MAIP1: variants seen among roughly 807,000 people sequenced by gnomAD.
The protein encoded by MAIP1 is matrix AAA peptidase interacting protein 1, also known as m-AAA protease-interacting protein 1, mitochondrial.
In MAIP1, 28 loss-of-function variants were observed where a neutral mutation model predicts 31.2. The observed-to-expected ratio is 0.90, with a 90% CI of 0.67 to 1.23. MAIP1 has a LOEUF of 1.23. MAIP1 is among the 50% of genes most tolerant of loss of function. The pLI, the probability that MAIP1 is intolerant of heterozygous loss-of-function variation, is 0.00. For missense variants in MAIP1, 339 were observed against 356.0 expected (o/e 0.95, Z 0.38); for synonymous variants, 142 against 142.3 (o/e 1.00, Z 0.02).
At chr2:199,956,961 C>A (rs2077609628) in intron 1 of MAIP1, among the ~76,000 whole-genome samples, 1 of 151,110 alleles carries the variant, frequency 6.6e-6, no homozygotes. Flanking sequence ...TTCTGAATGG[C>A]TGATTATACC....
chr2:199,956,535 T>C (rs2077606076), intron 1 of MAIP1, among the ~76,000 whole-genome samples: 1 of 152,320 alleles, frequency 6.6e-6, no homozygotes, highest in South Asian at 2.1e-4. Flanking sequence ...CACTCCAGCC[T>C]GGGATACAGA....
At chr2:199,963,670 A>G in intron 4 of MAIP1, 63 bp from the exon 5 acceptor site, 2 of 957,152 alleles carry the variant, frequency 2.1e-6, no homozygotes, top group East Asian at 2.5e-5. Flanking sequence ...TGCAAATTAC[A>G]TAGTTATCTA....
Position 199,955,818 on chromosome 2 carries a change from T to G in MAIP1, c.20T>G (p.Leu7Trp), listed in dbSNP as rs777192025. 3.3e-6 allele frequency: 5 copies of G among 1,516,370 alleles called. No homozygotes were observed. Among genetic ancestry groups the G allele is most frequent in the South Asian group, 1.3e-5 (1 of 75,074 alleles). The allele number at this position is 1,516,370 out of a possible 1,614,324, so 93.9% of individuals were successfully genotyped here. A position where few individuals can be genotyped will look rare whatever the true frequency, so the allele number is the denominator to read the frequency against. MALAAR[L>W]LPQFLHSRSL... ...ATAAAAATGGCGCTGGCCGCTCGTT[T>G]GCTACCCCAGTTCCTGCACTCTCGG... Residue 7 changes from leucine (L) to tryptophan (W), a missense_variant, in exon 1 of 5, where the codon TTG becomes TGG. Leu to Trp is a moderately conservative substitution (Grantham distance 61, BLOSUM62 -2). Coordinates refer to ENST00000392290, the MANE Select transcript of MAIP1 (RefSeq NM_001394955.1).
At chr2:199,957,464 C>T (rs1457147175) in intron 1 of MAIP1, among the ~76,000 whole-genome samples, 4 of 152,174 alleles carry the variant, frequency 2.6e-5, no homozygotes, top group African/African-American at 9.7e-5. Context: ...CCTCCATATG[C>T]CTTAAAACCA....
intron 1 of MAIP1, among the ~76,000 whole-genome samples, chr2:199,958,382 C>A (rs553905529): frequency 2.0e-5 from 3 of 152,270 alleles, no homozygotes; most frequent in African/African-American, 7.2e-5. Flanking sequence ...GGGGTTAGAG[C>A]TTCAGCATAA....
chr2:199,960,006 A>C (rs2077627876), intron 3 of MAIP1, 126 bp downstream of exon 3: 4 of 870,508 alleles, frequency 4.6e-6, no homozygotes, highest in Non-Finnish European at 6.9e-6. Flanking sequence ...AGAAAATGTT[A>C]TATCCATTCT....
chr2:199,959,275 C>A lies in MAIP1; in HGVS notation c.458C>A (p.Ala153Asp). Residue 153 changes from alanine (A) to aspartate (D), a missense_variant, in exon 2 of 5, where the codon GCT (alanine) becomes GAT (aspartate). Coordinates refer to ENST00000392290, the MANE Select transcript of MAIP1 (RefSeq NM_001394955.1). ...EFSEGAKQAF[A>D]HVSKLLSQCK... is the part of the protein sequence containing the mutation. ...CTTAATATTTTTTTCAAGGCTTTTG[C>A]TCATGTATCCAAGTTGCTGTCACAG... 6.4e-7 allele frequency: 1 copy of A among 1,570,230 alleles called. No individual in the cohort carries two copies. Among genetic ancestry groups the A allele is most frequent in the Non-Finnish European group, 8.8e-7 (1 of 1,140,790 alleles).
At chr2:199,961,188 TGTG>T (rs2077634655) in intron 3 of MAIP1, among the ~76,000 whole-genome samples, 1 of 152,140 alleles carries the variant, frequency 6.6e-6, no homozygotes, top group Non-Finnish European at 1.5e-5. Context: ...CCTGGCCAGA[TGTG>T]GTGGCTCACA....
upstream of MAIP1, chr2:199,955,400 T>C (rs1237390419): frequency 1.5e-5 from 25 of 1,613,368 alleles, no homozygotes; most frequent in African/African-American, 2.7e-5. Context: ...CACCTGTGGG[T>C]AGAGGTGCTG....
Position 199,955,939 on chromosome 2 carries a change from C to G in MAIP1, c.141C>G (p.Leu47=). 12 of 1,603,344 alleles carry G rather than the reference C, an allele frequency of 7.5e-6. No homozygotes were observed. Among genetic ancestry groups the G allele is most frequent in the Non-Finnish European group, 1.0e-5 (12 of 1,173,284 alleles). The change falls in exon 1 of 5, where the codon CTC becomes CTG. Residue 47 remains leucine (L), a synonymous_variant. Transcript: ENST00000392290. ...TTTGCTACTTCTGCCGCTGTCGCCT[C>G]GGCTTGGGAGCGGCGTTATTTCCAC... ...ATLCYFCRCR[L]GLGAALFPRS...
In MAIP1 at chr2:199,955,633, G is replaced by C; in HGVS notation, c.-166G>C. ...GCGGGGCGGGTTGCCGAAGGGCCTC[G>C]GCCTGGGCTGCGTGCTGGAGAGCGG... On this transcript the variant is annotated 5_prime_UTR_variant, in exon 1 of 5. Transcript: ENST00000392290. The C allele has an allele frequency of 8.7e-7, 1 of 1,151,398 alleles. No homozygotes were observed. The highest frequency in any genetic ancestry group is 1.2e-6 in the Non-Finnish European group (1 of 831,232). The allele number at this position is 1,151,398 out of a possible 1,614,324, so 71.3% of individuals were successfully genotyped here.
In MAIP1 at chr2:199,955,703, G is replaced by A; in HGVS notation, c.-96G>A. The stretch of plus-strand genomic sequence containing the variant: ...GAGGCTGCAGCAACAGGTCCACTTT[G>A]CTCTCCAGTCTCTTTCTCCGACACC... On this transcript the variant is annotated 5_prime_UTR_variant, in exon 1 of 5. Transcript: ENST00000392290. 1 of 1,273,496 alleles carries A rather than the reference G, an allele frequency of 7.9e-7. No individual in the cohort carries two copies. The highest frequency in any genetic ancestry group is 1.1e-6 in the Non-Finnish European group (1 of 931,236). 78.9% of individuals were successfully genotyped at this position (1,273,496 alleles called of 1,614,324 possible).
At chr2:199,955,484 T>C (rs750957157), upstream of MAIP1, 60 of 1,613,120 alleles carry the variant, frequency 3.7e-5, no homozygotes, top group East Asian at 1.2e-3. Flanking sequence ...TGCTCACGCC[T>C]GCCCTCTTCC....
At chr2:199,962,603 C>T (rs1006704652) in intron 4 of MAIP1, among the ~76,000 whole-genome samples, 1 of 152,114 alleles carries the variant, frequency 6.6e-6, no homozygotes, top group Admixed American at 6.5e-5. Flanking sequence ...GGGGCAAAAA[C>T]CAGCAAGGCC....
At chr2:199,962,031 G>C in intron 4 of MAIP1, 103 bp downstream of exon 4, 1 of 1,085,466 alleles carries the variant, frequency 9.2e-7, no homozygotes, top group Non-Finnish European at 1.3e-6. Context: ...ATTGAAATTT[G>C]ACAAGTTATT....
upstream of MAIP1, chr2:199,955,342 G>A: frequency 3.1e-6 from 5 of 1,593,864 alleles, no homozygotes; most frequent in Non-Finnish European, 4.3e-6. Flanking sequence ...GAAAGGTAAA[G>A]ACGTGTCTCT....
At chr2:199,958,666 AG>A (rs1227528954) in intron 1 of MAIP1, among the ~76,000 whole-genome samples, 4 of 152,228 alleles carry the variant, frequency 2.6e-5, no homozygotes, top group African/African-American at 9.6e-5. Context: ...GAAGACAGGT[AG>A]GATCTTAACT....
Position 199,955,666 on chromosome 2 carries a change from G to A in MAIP1, c.-133G>A. The A allele has an allele frequency of 6.2e-6, 7 of 1,121,086 alleles. No homozygotes were observed. The highest frequency in any genetic ancestry group is 5.1e-5 in the East Asian group (2 of 39,214). The allele number at this position is 1,121,086 out of a possible 1,614,324, so 69.4% of individuals were successfully genotyped here. On this transcript the variant is annotated 5_prime_UTR_variant, in exon 1 of 5. Transcript: ENST00000392290. Reference sequence around the variant, plus strand: ...CTGCGTGCTGGAGAGCGGGGACGGGGCCGACTCACCAGAGGCTGCAGCAAC... The same window carrying A: ...CTGCGTGCTGGAGAGCGGGGACGGGACCGACTCACCAGAGGCTGCAGCAAC...
Position 199,964,056 on chromosome 2 carries a change from A to G in MAIP1, c.*245A>G, listed in dbSNP as rs1192948530. ...TAGCACGTTGTTGGTGTCATATTCA[A>G]TAACATTTCCAATGCTACATATAAT... On this transcript the variant is annotated 3_prime_UTR_variant, in exon 5 of 5. Transcript: ENST00000392290. The G allele has an allele frequency of 1.1e-5, 3 of 267,842 alleles. No homozygotes were observed. The highest frequency in any genetic ancestry group is 4.4e-5 in the African/African-American group (2 of 45,190). 16.6% of individuals were successfully genotyped at this position (267,842 alleles called of 1,614,324 possible).
Sources: allele counts gnomAD v4.1 joint callset (sites outside exome capture counted in the v4.1 genomes callset), GRCh38; gene constraint gnomAD v4.1.1; transcripts MANE v1.5; gene names NCBI Gene and HGNC (gene_info 2026-07-23, HGNC 2026-07-21).